The following ELF5 variants were observed in gnomAD, a reference collection of about 807,000 sequenced individuals.
ELF5 encodes ETS-related transcription factor Elf-5.
A neutral mutation model predicts 38.2 loss-of-function variants in ELF5; 31 were observed. That is an observed-to-expected ratio of 0.81 (90% CI 0.61 to 1.10). The LOEUF is 1.10. ELF5 is among the 50% of genes least tolerant of loss of function. ELF5 has a pLI of 0.00. For synonymous variants in ELF5, 121 were observed against 112.5 expected, an observed-to-expected ratio of 1.08 and a Z score of -0.48; for missense variants, 300 against 306.6, an observed-to-expected ratio of 0.98 and a Z score of 0.16.
intron 1 of ELF5, among the ~76,000 whole-genome samples, chr11:34,508,517 A>T (rs1850668936): frequency 6.7e-6 from 1 of 149,050 alleles, no homozygotes; most frequent in Admixed American, 6.7e-5. Flanking sequence ...AAAAATAAAA[A>T]ATAAAAAATA....
intron 4 of ELF5, among the ~76,000 whole-genome samples, chr11:34,489,255 C>G (rs193079738): frequency 6.6e-6 from 1 of 152,324 alleles, no homozygotes; most frequent in African/African-American, 2.4e-5. Context: ...AGGAAAAAAT[C>G]ATAACCCATA....
intron 2 of ELF5, among the ~76,000 whole-genome samples, chr11:34,500,712 A>G (rs1191470525): frequency 2.0e-5 from 3 of 152,188 alleles, no homozygotes; most frequent in Non-Finnish European, 2.9e-5. Context: ...AGACTTTCAG[A>G]TGATTTTGTA....
At chr11:34,505,176 C>G (rs1850581389) in intron 2 of ELF5, among the ~76,000 whole-genome samples, 1 of 152,124 alleles carries the variant, frequency 6.6e-6, no homozygotes, top group Non-Finnish European at 1.5e-5. Context: ...AATTGTTCAT[C>G]TCATAGGGCT....
chr11:34,509,331 AAC>A (rs754416186), intron 1 of ELF5, among the ~76,000 whole-genome samples: 9 of 152,036 alleles, frequency 5.9e-5, no homozygotes, highest in South Asian at 4.2e-4. Context: ...CTGTCTCGAA[AAC>A]AACAACAACA....
intron 3 of ELF5, chr11:34,491,791 G>C (rs1370834124): frequency 1.3e-5 from 2 of 152,188 alleles, no homozygotes; most frequent in Non-Finnish European, 2.9e-5. Context: ...GGCCAGGCTT[G>C]TCTCGAATTC....
At chr11:34,506,567 G>A (rs1381198551) in intron 1 of ELF5, among the ~76,000 whole-genome samples, 8 of 152,198 alleles carry the variant, frequency 5.3e-5, no homozygotes, top group African/African-American at 1.9e-4. Flanking sequence ...AGGCTGGAGT[G>A]TAGTGGTGTG....
chr11:34,509,829 T>A lies in ELF5; in HGVS notation c.-5+3848A>T, dbSNP rs146400807. 5.9e-3 allele frequency among the ~76,000 whole-genome samples: 895 copies of A among 152,236 alleles called. 16 individuals carry two copies. Among genetic ancestry groups the A allele is most frequent in the African/African-American group, 0.02 (849 of 41,530 alleles). On this transcript the variant is annotated intron_variant, in intron 1 of 6. Transcript: ENST00000257832. ...ATGGCAGGCCTGTGATATGACCTTC[T>A]TTGGGTTGGGAGAAAGGAGAGGTGA... is the stretch of plus-strand genomic sequence containing the variant.
At chr11:34,508,489 C>T (rs1369630739) in intron 1 of ELF5, among the ~76,000 whole-genome samples, 1 of 150,070 alleles carries the variant, frequency 6.7e-6, no homozygotes, top group East Asian at 2.0e-4. Context: ...GGCGACAGAG[C>T]AAGACTATGT....
chr11:34,483,045 C>G (rs919885646), intron 4 of ELF5, among the ~76,000 whole-genome samples: 1 of 151,958 alleles, frequency 6.6e-6, no homozygotes, highest in African/African-American at 2.4e-5. Flanking sequence ...CCAGCTCACA[C>G]TCGTCTCCAC....
At chr11:34,480,397 C>T in intron 6 of ELF5, 83 bp from the exon 7 acceptor site, 1 of 1,084,100 alleles carries the variant, frequency 9.2e-7, no homozygotes, top group Non-Finnish European at 1.4e-6. Context: ...CTCCTCATTC[C>T]TCTCAGGTGA....
intron 1 of ELF5, among the ~76,000 whole-genome samples, chr11:34,510,006 A>G (rs1471192508): frequency 6.6e-6 from 1 of 152,244 alleles, no homozygotes; most frequent in Non-Finnish European, 1.5e-5. Context: ...AACAAAAAAA[A>G]AGGTCATTTG....
At chr11:34,483,547 T>G (rs1856989949) in intron 4 of ELF5, among the ~76,000 whole-genome samples, 1 of 152,020 alleles carries the variant, frequency 6.6e-6, no homozygotes, top group Admixed American at 6.6e-5. Context: ...CTAACTATAT[T>G]GTACTATACC....
intron 5 of ELF5, among the ~76,000 whole-genome samples, chr11:34,481,614 G>C (rs555713122): frequency 1.3e-5 from 2 of 152,232 alleles, no homozygotes; most frequent in Admixed American, 6.5e-5. Context: ...CTTTCTGACA[G>C]GCAGCATGGT....
chr11:34,490,993 T>C (rs1454496689), intron 3 of ELF5, among the ~76,000 whole-genome samples: 1 of 152,116 alleles, frequency 6.6e-6, no homozygotes, highest in Non-Finnish European at 1.5e-5. Context: ...GCTAGGCCCT[T>C]AAATCCTACT....
intron 2 of ELF5, among the ~76,000 whole-genome samples, chr11:34,497,169 T>C (rs1850338863): frequency 6.6e-6 from 1 of 152,200 alleles, no homozygotes; most frequent in Non-Finnish European, 1.5e-5. Flanking sequence ...GGCAATCAAA[T>C]AAGGGGTTAT....
At chr11:34,493,376 T>C (rs1850226432) in intron 3 of ELF5, 103 bp downstream of exon 3, 3 of 1,111,480 alleles carry the variant, frequency 2.7e-6, no homozygotes, top group Non-Finnish European at 4.0e-6. Context: ...CTCCAGTTAG[T>C]AAAATTTTGC....
At chr11:34,504,268 C>A (rs752194140) in intron 2 of ELF5, among the ~76,000 whole-genome samples, 1 of 152,220 alleles carries the variant, frequency 6.6e-6, no homozygotes, top group Non-Finnish European at 1.5e-5. Context: ...AGACACAGTA[C>A]ATTTCTCATG....
At chr11:34,501,885 C>T (rs1850480299) in intron 2 of ELF5, among the ~76,000 whole-genome samples, 1 of 152,180 alleles carries the variant, frequency 6.6e-6, no homozygotes, top group Non-Finnish European at 1.5e-5. Flanking sequence ...CTCTCCTAGA[C>T]ATCATTTGTC....
intron 1 of ELF5, chr11:34,511,406 G>T: frequency 8.4e-7 from 1 of 1,196,980 alleles, no homozygotes; most frequent in Non-Finnish European, 1.2e-6. Flanking sequence ...ATAGATCCGT[G>T]GAAGCTGGAA....
Sources: allele counts gnomAD v4.1 joint callset (sites outside exome capture counted in the v4.1 genomes callset), GRCh38; gene constraint gnomAD v4.1.1; transcripts MANE v1.5; gene names NCBI Gene and HGNC (gene_info 2026-07-23, HGNC 2026-07-21).